The following OPHN1 variants were observed in gnomAD, a reference collection of about 807,000 sequenced individuals.
OPHN1 encodes oligophrenin-1.
OPHN1 carries 11 observed loss-of-function variants against 60.7 expected under a neutral mutation model. The ratio of observed to expected loss-of-function variants is 0.18; its 90% CI spans 0.11 to 0.30. OPHN1 has a LOEUF of 0.30. Among genes scored for constraint, OPHN1 ranks in the 10% least tolerant of loss-of-function variants. OPHN1 has a pLI of 1.00. For synonymous variants in OPHN1, 226 were observed against 222.6 expected (o/e 1.02, Z -0.14); for missense variants, 449 against 611.0 (o/e 0.73, Z 2.80).
chrX:68,148,628 G>C (rs920350547), intron 15 of OPHN1, among the ~76,000 whole-genome samples: 5 of 111,064 alleles, frequency 4.5e-5, no homozygotes, highest in Admixed American at 9.7e-5. Flanking sequence ...TATGATCTGA[G>C]TTATATGAAA....
chrX:68,256,527 A>ACAC, intron 5 of OPHN1, among the ~76,000 whole-genome samples: 1 of 111,524 alleles, frequency 9.0e-6, no homozygotes, highest in Non-Finnish European at 1.9e-5. Context: ...ATATACAGGC[A>ACAC]CACCTCATTT....
chrX:68,129,477 A>C (rs1468129255), intron 15 of OPHN1, among the ~76,000 whole-genome samples: 1 of 111,987 alleles, frequency 8.9e-6, no homozygotes. Context: ...TCTAGGATGA[A>C]AGTGGTTTGT....
At chrX:68,349,432 A>T (rs1413775566) in intron 2 of OPHN1, among the ~76,000 whole-genome samples, 1 of 111,987 alleles carries the variant, frequency 8.9e-6, no homozygotes, top group Non-Finnish European at 1.9e-5. Context: ...GGTTGTGGAA[A>T]AATAGGAATG....
chrX:68,045,698 C>T lies in OPHN1; in HGVS notation c.*1474G>A. The T allele has an allele frequency of 8.9e-6, 1 of 111,999 alleles. No homozygotes were observed. Among genetic ancestry groups the T allele is most frequent in the Non-Finnish European group, 1.9e-5 (1 of 53,184 alleles). The allele number at this position is 111,999 out of a possible 1,213,427, so 9.2% of individuals were successfully genotyped here. On this transcript the variant is annotated 3_prime_UTR_variant, in exon 25 of 25. Coordinates refer to ENST00000355520, the MANE Select transcript of OPHN1 (RefSeq NM_002547.3). ...TCCTCAGATTTCTGCCCCATTACAC[C>T]AATTTTTAGGTCCTTTCCAATAATA...
chrX:68,433,271 C>G lies in OPHN1; in HGVS notation c.-108G>C. On this transcript the variant is annotated 5_prime_UTR_variant, in exon 1 of 25. Transcript: ENST00000355520. Reference sequence around the variant, plus strand: ...GGAGAGCTAACTATCGCAGTCGGATCCCGGCAGGGTGCTGCCTAGCAAGCA... The same window carrying G: ...GGAGAGCTAACTATCGCAGTCGGATGCCGGCAGGGTGCTGCCTAGCAAGCA... The G allele has an allele frequency of 5.2e-6, 2 of 386,110 alleles. No individual in the cohort carries two copies. The highest frequency in any genetic ancestry group is 4.5e-6 in the Non-Finnish European group (1 of 223,603). 31.8% of individuals were successfully genotyped at this position (386,110 alleles called of 1,213,427 possible).
intron 2 of OPHN1, among the ~76,000 whole-genome samples, chrX:68,314,872 G>A (rs2078191489): frequency 9.2e-6 from 1 of 108,511 alleles, no homozygotes; most frequent in South Asian, 4.1e-4. Context: ...TATAGTCCCA[G>A]CTACTCAGGA....
chrX:68,220,336 G>A (rs985766197), intron 6 of OPHN1, among the ~76,000 whole-genome samples: 40 of 107,874 alleles, frequency 3.7e-4, no homozygotes, highest in South Asian at 4.1e-4. Context: ...ATTCACAGCC[G>A]AATTCTACCA....
intron 5 of OPHN1, among the ~76,000 whole-genome samples, chrX:68,246,257 TATC>T (rs1163324668): frequency 8.9e-6 from 1 of 112,382 alleles, no homozygotes; most frequent in African/African-American, 3.2e-5. Context: ...ATGTGTTGAC[TATC>T]ATCATTTAGC....
chrX:68,343,137 G>T (rs1049265491), intron 2 of OPHN1, among the ~76,000 whole-genome samples: 1 of 108,823 alleles, frequency 9.2e-6, no homozygotes, highest in South Asian at 4.0e-4. Context: ...AGCTAGGCAT[G>T]GTGGCAGGTG....
At position 68,063,776 on chromosome X, in the gene OPHN1, T is replaced by C. The variant is rs1234695765; in HGVS notation, c.2158+78A>G. ...TGGAACATATTTCCACTTAAATATA[T>C]CTCCAAACTCAGAAGGATCTCAAGG... On this transcript the variant is annotated intron_variant, in intron 21 of 24. Coordinates refer to ENST00000355520, the MANE Select transcript of OPHN1 (RefSeq NM_002547.3). 4.5e-5 allele frequency: 38 copies of C among 845,930 alleles called. No individual in the cohort carries two copies. The highest frequency in any genetic ancestry group is 5.9e-5 in the Non-Finnish European group (37 of 622,133). 69.7% of individuals were successfully genotyped at this position (845,930 alleles called of 1,213,427 possible). A position where few individuals can be genotyped will look rare whatever the true frequency, so the allele number is the denominator to read the frequency against.
Position 68,216,436 on chromosome X carries a change from G to C in OPHN1, c.487-2464C>G, listed in dbSNP as rs192292109. 1.1e-4 allele frequency among the ~76,000 whole-genome samples: 12 copies of C among 110,512 alleles called. No homozygotes were observed. In the East Asian group the frequency reaches 3.6e-3, roughly 33 times the overall value. On this transcript the variant is annotated intron_variant, in intron 6 of 24. Coordinates refer to ENST00000355520, the MANE Select transcript of OPHN1 (RefSeq NM_002547.3). ...AGTGATCTAAAAAAATTAAAAGATA[G>C]ACTGTCATAGTGCACAAAAATTAAG... is the stretch of plus-strand genomic sequence containing the variant.
chrX:68,154,818 A>G (rs1158365276), intron 15 of OPHN1, among the ~76,000 whole-genome samples: 1 of 109,849 alleles, frequency 9.1e-6, no homozygotes, highest in Non-Finnish European at 1.9e-5. Flanking sequence ...ATTTATAAGA[A>G]GGACCAAAGC....
chrX:68,394,504 C>T (rs926460587), intron 2 of OPHN1, among the ~76,000 whole-genome samples: 1 of 111,857 alleles, frequency 8.9e-6, no homozygotes, highest in African/African-American at 3.2e-5. Flanking sequence ...TCTTTATTTG[C>T]ACTGAGTTTA....
chrX:68,230,234 G>T (rs1309271522), intron 6 of OPHN1, among the ~76,000 whole-genome samples: 1 of 111,406 alleles, frequency 9.0e-6, no homozygotes, highest in Non-Finnish European at 1.9e-5. Context: ...ACACCAGTTA[G>T]AATGGCAATC....
intron 18 of OPHN1, among the ~76,000 whole-genome samples, chrX:68,098,706 T>A (rs1210351624): frequency 9.0e-6 from 1 of 111,456 alleles, no homozygotes; most frequent in African/African-American, 3.3e-5. Flanking sequence ...GTGACGGAAG[T>A]TTTTTTCAGA....
chrX:68,288,147 T>C, intron 3 of OPHN1, among the ~76,000 whole-genome samples: 1 of 111,934 alleles, frequency 8.9e-6, no homozygotes, highest in Non-Finnish European at 1.9e-5. Context: ...AGATAGCCTC[T>C]TGATTCTAAG....
intron 2 of OPHN1, among the ~76,000 whole-genome samples, chrX:68,364,587 TG>T (rs2078489373): frequency 8.9e-6 from 1 of 112,037 alleles, no homozygotes; most frequent in Non-Finnish European, 1.9e-5. Context: ...ATAGAGTAAT[TG>T]ATGAAATAAG....
At chrX:68,303,590 G>A (rs1414247193) in intron 2 of OPHN1, among the ~76,000 whole-genome samples, 1 of 108,546 alleles carries the variant, frequency 9.2e-6, no homozygotes, top group African/African-American at 3.4e-5. Flanking sequence ...GGAGGTTGCA[G>A]AGAGCCGAGA....
intron 3 of OPHN1, among the ~76,000 whole-genome samples, chrX:68,292,376 GA>G (rs1366248374): frequency 2.7e-5 from 3 of 111,489 alleles, no homozygotes; most frequent in Non-Finnish European, 5.6e-5. Context: ...GTGTTATTAT[GA>G]TTATAGATTT....
Sources: allele counts gnomAD v4.1 joint callset (sites outside exome capture counted in the v4.1 genomes callset), GRCh38; gene constraint gnomAD v4.1.1; transcripts MANE v1.5; gene names NCBI Gene and HGNC (gene_info 2026-07-23, HGNC 2026-07-21).